BPGM: variants seen among roughly 807,000 people sequenced by gnomAD.
BPGM encodes the protein bisphosphoglycerate mutase.
Under a neutral mutation model 21.6 loss-of-function variants are expected in BPGM, and 15 were observed. That is an observed-to-expected ratio of 0.70 (90% CI 0.47 to 1.07). BPGM has a LOEUF of 1.07. Ranked by LOEUF, BPGM falls within the 50% of genes least tolerant of loss-of-function variation. The pLI, the probability that BPGM is intolerant of heterozygous loss-of-function variation, is 0.00. For synonymous variants in BPGM, 113 were observed against 116.2 expected (o/e 0.97, Z 0.18); for missense variants, 273 against 319.0 (o/e 0.86, Z 1.10).
rs578041135 is a variant in BPGM, at chr7:134,663,854, T to C, written c.601+1746T>C. Among the ~76,000 whole-genome samples the C allele has an allele frequency of 2.2e-3, 334 of 152,336 alleles. 2 individuals carry two copies. The highest frequency in any genetic ancestry group is 7.7e-3 in the African/African-American group (321 of 41,574). Reference sequence around the variant, plus strand: ...GATTCTACAGCCCAACCACAGCTCATTGTACACATCCCCTCCTGCTAGTGC... The same window carrying C: ...GATTCTACAGCCCAACCACAGCTCACTGTACACATCCCCTCCTGCTAGTGC... On this transcript the variant is annotated intron_variant, in intron 2 of 2. Coordinates refer to ENST00000344924, the MANE Select transcript of BPGM (RefSeq NM_001724.5).
At chr7:134,647,084 G>A (rs1795472663) in intron 1 of BPGM, 147 bp downstream of exon 1, 1 of 153,474 alleles carries the variant, frequency 6.5e-6, no homozygotes. Context: ...CAGCCCTCAA[G>A]CTGGGACCCT....
Position 134,679,475 on chromosome 7 carries a change from T to A in BPGM, c.*444T>A, listed in dbSNP as rs1393321409. 1 of 157,984 alleles carries A rather than the reference T, an allele frequency of 6.3e-6. No homozygotes were observed. Among genetic ancestry groups the A allele is most frequent in the Non-Finnish European group, 1.4e-5 (1 of 71,248 alleles). The allele number at this position is 157,984 out of a possible 1,614,324, so 9.8% of individuals were successfully genotyped here. On this transcript the variant is annotated 3_prime_UTR_variant, in exon 3 of 3. Transcript: ENST00000344924. The stretch of plus-strand genomic sequence containing the variant: ...TAGATAATATACCGTATGTATTTAT[T>A]ACTAGTCTTTTCCTCTAGGAAAAGG...
In BPGM at chr7:134,679,386, C is replaced by T. The variant is rs1416597242; in HGVS notation, c.*355C>T. 3 of 269,206 alleles carry T rather than the reference C, an allele frequency of 1.1e-5. No individual in the cohort carries two copies. Among genetic ancestry groups the T allele is most frequent in the African/African-American group, 2.2e-5 (1 of 45,458 alleles). 16.7% of individuals were successfully genotyped at this position (269,206 alleles called of 1,614,324 possible). On this transcript the variant is annotated 3_prime_UTR_variant, in exon 3 of 3. Coordinates refer to ENST00000344924, the MANE Select transcript of BPGM (RefSeq NM_001724.5). ...ATTATTGAGTCACCATTGACAGGCA[C>T]TATTCTAATCAGTAGTTCACTTTAA...
intron 1 of BPGM, among the ~76,000 whole-genome samples, chr7:134,652,423 A>G (rs1209232981): frequency 6.6e-6 from 1 of 152,236 alleles, no homozygotes; most frequent in Non-Finnish European, 1.5e-5. Flanking sequence ...TAATGATCAA[A>G]TCAGAGTAAT....
chr7:134,662,256 A>G lies in BPGM; in HGVS notation c.601+148A>G, dbSNP rs73439991. The G allele has an allele frequency of 6.4e-3, 7,789 of 1,211,724 alleles. 250 individuals are homozygous for G. The East Asian group carries it at 0.099, about 15-fold the overall frequency. 75.1% of individuals were successfully genotyped at this position (1,211,724 alleles called of 1,614,324 possible). On this transcript the variant is annotated intron_variant, in intron 2 of 2. Transcript: ENST00000344924. ...AGATTTAAGAATTGTCTTGTTCTAT[A>G]AATCAGATCTCTTGTGTGTTTTCTG...
In BPGM at chr7:134,661,538, C is replaced by A. The variant is rs765982220; in HGVS notation, c.31C>A (p.His11Asn). MSKYKLIMLR[H>N]GEGAWNKENR... ...CAAGTACAAACTTATTATGTTAAGA[C>A]ATGGAGAGGGTGCTTGGAATAAGGA... Residue 11 changes from histidine to asparagine, a missense_variant, in exon 2 of 3, where the codon CAT becomes AAT. His to Asn is a moderately conservative substitution (Grantham distance 68, BLOSUM62 1). Transcript: ENST00000344924. The surrounding 1 kb of genome is among the most constrained non-coding windows in gnomAD (Gnocchi z 4.6). 1.4e-5 allele frequency: 22 copies of A among 1,613,984 alleles called. No homozygotes were observed. The Admixed American group carries it at 2.8e-4, about 21-fold the overall frequency.
chr7:134,658,183 C>A (rs2131424621), intron 1 of BPGM, among the ~76,000 whole-genome samples: 1 of 151,994 alleles, frequency 6.6e-6, no homozygotes, highest in South Asian at 2.1e-4. Context: ...GTAGTAGGTA[C>A]TCCTTTGATT....
chr7:134,674,029 C>T (rs952569657), intron 2 of BPGM, among the ~76,000 whole-genome samples: 2 of 151,456 alleles, frequency 1.3e-5, no homozygotes, highest in Non-Finnish European at 2.9e-5. Flanking sequence ...TCTCCTGCCT[C>T]AGCCTCCCAA....
At chr7:134,647,746 A>C (rs1336086291) in intron 1 of BPGM, among the ~76,000 whole-genome samples, 1 of 152,212 alleles carries the variant, frequency 6.6e-6, no homozygotes, top group Non-Finnish European at 1.5e-5. Context: ...ACCTGTAGGT[A>C]CTAAAGGTTT....
chr7:134,652,284 G>A (rs769914525), intron 1 of BPGM, among the ~76,000 whole-genome samples: 4 of 151,982 alleles, frequency 2.6e-5, no homozygotes, highest in African/African-American at 4.8e-5. Flanking sequence ...GGCCAATATC[G>A]GCATATTGAG....
Position 134,665,623 on chromosome 7 carries a change from TAAAATA to T in BPGM, c.601+3519_601+3524del, listed in dbSNP as rs1795805089. Among the ~76,000 whole-genome samples, 2 of 6,636 alleles carry T rather than the reference TAAAATA, an allele frequency of 3.0e-4. 1 individual carries two copies. Among genetic ancestry groups the T allele is most frequent in the South Asian group, 0.02 (2 of 98 alleles). The allele number at this position is 6,636 out of a possible 152,430, so 4.4% of individuals were successfully genotyped here. A position where few individuals can be genotyped will look rare whatever the true frequency, so the allele number is the denominator to read the frequency against. ...AAAACTTAGAGTATAATAAAAAAAA[TAAAATA>T]AAATAAAATAAAAATTAATGAAAAA... On this transcript the variant is annotated intron_variant, in intron 2 of 2. Transcript: ENST00000344924.
In BPGM at chr7:134,673,131, G is replaced by A. The variant is rs1795931754; in HGVS notation, c.602-5722G>A. Among the ~76,000 whole-genome samples, 3 of 152,036 alleles carry A rather than the reference G, an allele frequency of 2.0e-5. No individual in the cohort carries two copies. In the South Asian group the frequency reaches 6.2e-4, roughly 32 times the overall value. On this transcript the variant is annotated intron_variant, in intron 2 of 2. Coordinates refer to ENST00000344924, the MANE Select transcript of BPGM (RefSeq NM_001724.5). ...GGAGCTTGCAGTGAGCTGAGATCGC[G>A]CCACTGCACTCCAGCCTGGGCGACA...
chr7:134,658,710 A>G (rs1372439283), intron 1 of BPGM: 1 of 152,196 alleles, frequency 6.6e-6, no homozygotes, highest in African/African-American at 2.4e-5. Context: ...CGTTGATAGT[A>G]CTAGGGAGGA....
rs1368612571 is a variant in BPGM, at chr7:134,679,073, G to T, written c.*42G>T. The T allele has an allele frequency of 1.2e-6, 2 of 1,600,354 alleles. No individual in the cohort carries two copies. Among genetic ancestry groups the T allele is most frequent in the Non-Finnish European group, 1.7e-6 (2 of 1,169,136 alleles). ...GCTAAGAAGAAATGCAAAAGAAGTG[G>T]CATAGGAGTGTGTTATGGGTGCTGA... On this transcript the variant is annotated 3_prime_UTR_variant, in exon 3 of 3. Coordinates refer to ENST00000344924, the MANE Select transcript of BPGM (RefSeq NM_001724.5).
In BPGM at chr7:134,661,907, C is replaced by A; in HGVS notation, c.400C>A (p.Gln134Lys). ...PPIEESHPYY[Q>K]EIYNDRRYKV... is the part of the protein sequence containing the mutation. ...CATTGAGGAGTCTCATCCTTACTAC[C>A]AAGAAATCTACAACGACCGGAGGTA... The change falls in exon 2 of 3, where the codon CAA becomes AAA. Residue 134 changes from glutamine to lysine, a missense_variant. Physicochemically the swap from Gln to Lys is moderately conservative, Grantham distance 53. Coordinates refer to ENST00000344924, the MANE Select transcript of BPGM (RefSeq NM_001724.5). This position sits in a 1 kb window ranked among gnomAD's most constrained non-coding sequence, Gnocchi z 4.6. The A allele has an allele frequency of 6.2e-7, 1 of 1,611,946 alleles. No individual in the cohort carries two copies. The highest frequency in any genetic ancestry group is 1.1e-5 in the South Asian group (1 of 90,964).
chr7:134,673,027 A>G (rs1301645889), intron 2 of BPGM, among the ~76,000 whole-genome samples: 3 of 152,110 alleles, frequency 2.0e-5, no homozygotes, highest in Non-Finnish European at 4.4e-5. Flanking sequence ...ACAAAAAAGT[A>G]GCCGGGTGTG....
In BPGM at chr7:134,679,099, A is replaced by ACT. The variant is rs762888396; in HGVS notation, c.*77_*78dup. 3.2e-6 allele frequency: 5 copies of ACT among 1,545,890 alleles called. No individual in the cohort carries two copies. The highest frequency in any genetic ancestry group is 1.7e-4 in the Middle Eastern group (1 of 5,832). The stretch of plus-strand genomic sequence containing the variant: ...CATAGGAGTGTGTTATGGGTGCTGA[A>ACT]CTCTCTCTCTTTTTCCCCGATTTTC... On this transcript the variant is annotated 3_prime_UTR_variant, in exon 3 of 3. Transcript: ENST00000344924.
intron 2 of BPGM, among the ~76,000 whole-genome samples, chr7:134,673,490 C>T (rs557756733): frequency 7.2e-5 from 11 of 152,294 alleles, no homozygotes; most frequent in East Asian, 3.9e-4. Context: ...CTGTTGGATC[C>T]GGTTAGATCT....
chr7:134,663,543 GA>G (rs1470685324), intron 2 of BPGM, among the ~76,000 whole-genome samples: 1 of 152,170 alleles, frequency 6.6e-6, no homozygotes, highest in Non-Finnish European at 1.5e-5. Context: ...TTTATTGTTT[GA>G]AGAAGAGTTG....
Sources: allele counts gnomAD v4.1 joint callset (sites outside exome capture counted in the v4.1 genomes callset), GRCh38; gene constraint gnomAD v4.1.1; non-coding constraint Gnocchi (gnomAD v3.1); transcripts MANE v1.5; gene names NCBI Gene and HGNC (gene_info 2026-07-23, HGNC 2026-07-21).